GABRB2: variants seen among roughly 807,000 people sequenced by gnomAD.
The protein encoded by GABRB2 is gamma-aminobutyric acid type A receptor subunit beta2.
A neutral mutation model predicts 54.7 loss-of-function variants in GABRB2; 16 were observed. The ratio of observed to expected loss-of-function variants is 0.29; its 90% CI spans 0.20 to 0.44. The LOEUF (loss-of-function observed/expected upper bound fraction) is 0.44, where lower values mean the gene tolerates loss of function less well. Ranked by LOEUF, GABRB2 falls within the 20% of genes least tolerant of loss-of-function variation. The pLI, the probability that GABRB2 is intolerant of heterozygous loss-of-function variation, is 1.00. For synonymous variants in GABRB2, 244 were observed against 233.8 expected (o/e 1.04, Z -0.40); for missense variants, 355 against 644.0 (o/e 0.55, Z 4.86).
At chr5:161,300,009 G>T (rs1757490712) in intron 9 of GABRB2, among the ~76,000 whole-genome samples, 1 of 152,142 alleles carries the variant, frequency 6.6e-6, no homozygotes, top group South Asian at 2.1e-4. Flanking sequence ...CTAAATTTTA[G>T]TGGCTGACTG....
intron 4 of GABRB2, among the ~76,000 whole-genome samples, chr5:161,411,643 C>T (rs1208140246): frequency 1.3e-5 from 2 of 152,096 alleles, no homozygotes; most frequent in Non-Finnish European, 2.9e-5. Flanking sequence ...ATCCCCTAGA[C>T]AATATACTCC....
At position 161,404,969 on chromosome 5, in the gene GABRB2, CG is replaced by C. The variant is rs967656942; in HGVS notation, c.541+6005del. On this transcript the variant is annotated intron_variant, in intron 5 of 9. Coordinates refer to ENST00000393959, the MANE Select transcript of GABRB2 (RefSeq NM_001371727.1). ...TCCCAGCAAATGGTTTTACAGAATA[CG>C]GCAGCCCATCTGACTTTTCACCAGC... 7.2e-5 allele frequency among the ~76,000 whole-genome samples: 11 copies of C among 152,106 alleles called. 1 individual carries two copies. The highest frequency in any genetic ancestry group is 5.9e-4 in the Admixed American group (9 of 15,258).
chr5:161,368,997 C>T (rs1659276406), intron 5 of GABRB2, among the ~76,000 whole-genome samples: 2 of 152,128 alleles, frequency 1.3e-5, no homozygotes, highest in Admixed American at 6.6e-5. Flanking sequence ...TTTATTAGAT[C>T]TTATTTTTAA....
At chr5:161,474,228 A>T (rs1360734314) in intron 3 of GABRB2, among the ~76,000 whole-genome samples, 4 of 151,960 alleles carry the variant, frequency 2.6e-5, no homozygotes, top group Non-Finnish European at 4.4e-5. Context: ...TGAGAGGCAA[A>T]CCTTCCAAAG....
At chr5:161,396,161 A>G (rs565242592) in intron 5 of GABRB2, among the ~76,000 whole-genome samples, 1 of 152,326 alleles carries the variant, frequency 6.6e-6, no homozygotes, top group African/African-American at 2.4e-5. Context: ...AAAAGCTTAA[A>G]ATACCAGAAA....
rs1294591679 is a variant in GABRB2 at position 161,290,418 on chromosome 5, A to C, written c.*3663T>G. ...TTCTGATGTTCTGGGGTACAGTACT[A>C]TTGTCGAGTTGAACTGTGCAATGGT... On this transcript the variant is annotated 3_prime_UTR_variant, in exon 10 of 10. Transcript: ENST00000393959. 1 of 152,516 alleles carries C rather than the reference A, an allele frequency of 6.6e-6. No individual in the cohort carries two copies. Among genetic ancestry groups the C allele is most frequent in the Admixed American group, 6.6e-5 (1 of 15,258 alleles). 9.4% of individuals were successfully genotyped at this position (152,516 alleles called of 1,614,324 possible). A position where few individuals can be genotyped will look rare whatever the true frequency, so the allele number is the denominator to read the frequency against.
At chr5:161,437,849 C>T (rs1427881932) in intron 4 of GABRB2, among the ~76,000 whole-genome samples, 1 of 152,150 alleles carries the variant, frequency 6.6e-6, no homozygotes, top group Non-Finnish European at 1.5e-5. Context: ...AAGACTGTGT[C>T]TTATGGTATG....
At position 161,326,309 on chromosome 5, in the gene GABRB2, C is replaced by T; in HGVS notation, c.1191+59G>A. On this transcript the variant is annotated intron_variant, in intron 9 of 9. Transcript: ENST00000393959. ...TCCCACACATTTTTTAAGGGAACAG[C>T]TAAACAAATTGGCCCCAACAGAAAT... 5 of 1,602,648 alleles carry T rather than the reference C, an allele frequency of 3.1e-6. No homozygotes were observed. The South Asian group carries it at 4.5e-5, about 14-fold the overall frequency.
chr5:161,423,968 A>C (rs2113153542), intron 4 of GABRB2, among the ~76,000 whole-genome samples: 1 of 152,302 alleles, frequency 6.6e-6, no homozygotes, highest in East Asian at 1.9e-4. Context: ...AATCATCCAC[A>C]TTAAGGGAAT....
intron 3 of GABRB2, among the ~76,000 whole-genome samples, chr5:161,487,522 T>G (rs1262790660): frequency 6.6e-6 from 1 of 151,694 alleles, no homozygotes; most frequent in African/African-American, 2.4e-5. Context: ...GCATATGGAG[T>G]CAAACAGAAA....
intron 4 of GABRB2, among the ~76,000 whole-genome samples, chr5:161,436,519 C>A (rs1379403421): frequency 1.6e-5 from 2 of 121,908 alleles, no homozygotes; most frequent in Non-Finnish European, 1.7e-5. Flanking sequence ...GGTGACAGAG[C>A]AAGACGCTGT....
chr5:161,308,573 G>C (rs1299361755), intron 9 of GABRB2, among the ~76,000 whole-genome samples: 1 of 152,100 alleles, frequency 6.6e-6, no homozygotes, highest in African/African-American at 2.4e-5. Flanking sequence ...TAAGCAAAAA[G>C]GACAAAGCTG....
intron 5 of GABRB2, among the ~76,000 whole-genome samples, chr5:161,369,498 T>A (rs763299434): frequency 7.9e-5 from 12 of 151,060 alleles, no homozygotes; most frequent in Non-Finnish European, 1.3e-4. Context: ...AAAGAACGAA[T>A]GCTTTCTCAG....
intron 9 of GABRB2, 32 bp from the exon 10 acceptor site, chr5:161,294,460 G>C (rs1242079964): frequency 1.3e-6 from 2 of 1,579,984 alleles, no homozygotes; most frequent in African/African-American, 2.7e-5. Flanking sequence ...AAGACAATCA[G>C]AACAATGAAG....
At chr5:161,371,584 G>A (rs1755134881) in intron 5 of GABRB2, among the ~76,000 whole-genome samples, 1 of 152,100 alleles carries the variant, frequency 6.6e-6, no homozygotes, top group South Asian at 2.1e-4. Context: ...GGCAAGATCA[G>A]GTAATACATT....
At chr5:161,422,485 A>G (rs943157024) in intron 4 of GABRB2, among the ~76,000 whole-genome samples, 1 of 152,166 alleles carries the variant, frequency 6.6e-6, no homozygotes, top group Non-Finnish European at 1.5e-5. Context: ...TTAAAATAGC[A>G]TACAGGAAAT....
chr5:161,423,222 A>G (rs964579641), intron 4 of GABRB2, among the ~76,000 whole-genome samples: 1 of 152,156 alleles, frequency 6.6e-6, no homozygotes, highest in African/African-American at 2.4e-5. Flanking sequence ...AAAGTTATCA[A>G]TCATTTACAT....
intron 9 of GABRB2, among the ~76,000 whole-genome samples, chr5:161,308,443 A>G (rs1757765313): frequency 6.6e-6 from 1 of 152,220 alleles, no homozygotes; most frequent in Non-Finnish European, 1.5e-5. Flanking sequence ...AGCAACTTAC[A>G]GATTCAATAC....
chr5:161,451,579 A>G (rs1261366741), intron 4 of GABRB2, among the ~76,000 whole-genome samples: 1 of 152,208 alleles, frequency 6.6e-6, no homozygotes, highest in Non-Finnish European at 1.5e-5. Flanking sequence ...TAAATTTTAA[A>G]TAATAGTCCT....
Sources: allele counts gnomAD v4.1 joint callset (sites outside exome capture counted in the v4.1 genomes callset), GRCh38; gene constraint gnomAD v4.1.1; transcripts MANE v1.5; gene names NCBI Gene and HGNC (gene_info 2026-07-23, HGNC 2026-07-21).